Variants in DTX1 observed in about 807,000 individuals in gnomAD.
DTX1 encodes the protein deltex E3 ubiquitin ligase 1, also known as E3 ubiquitin-protein ligase DTX1.
DTX1 carries 26 observed loss-of-function variants against 57.8 expected under a neutral mutation model. That is an observed-to-expected ratio of 0.45 (90% CI 0.33 to 0.62). The LOEUF (loss-of-function observed/expected upper bound fraction) is 0.62. DTX1 is among the 20% of genes least tolerant of loss of function. DTX1 has a pLI of 0.02. For missense variants in DTX1, 704 were observed against 895.3 expected, an observed-to-expected ratio of 0.79 and a Z score of 2.73; for synonymous variants, 398 against 394.1, an observed-to-expected ratio of 1.01 and a Z score of -0.12.
chr12:113,088,413 T>G (rs1315424065), intron 3 of DTX1, among the ~76,000 whole-genome samples: 1 of 152,208 alleles, frequency 6.6e-6, no homozygotes, highest in Non-Finnish European at 1.5e-5. Flanking sequence ...ACATTCCTGC[T>G]CTAACTTTGT....
At chr12:113,071,519 G>T (rs1478629109) in intron 2 of DTX1, among the ~76,000 whole-genome samples, 1 of 152,260 alleles carries the variant, frequency 6.6e-6, no homozygotes, top group Non-Finnish European at 1.5e-5. Flanking sequence ...GTGCCCTGAA[G>T]GCCAGAGTGG....
In DTX1 at chr12:113,094,165, C is replaced by A; in HGVS notation, c.1227+66C>A. The A allele has an allele frequency of 2.8e-6, 4 of 1,451,684 alleles. No homozygotes were observed. In the South Asian group the frequency reaches 3.7e-5, roughly 14 times the overall value. The allele number at this position is 1,451,684 out of a possible 1,614,324, so 89.9% of individuals were successfully genotyped here. A position where few individuals can be genotyped will look rare whatever the true frequency, so the allele number is the denominator to read the frequency against. The stretch of plus-strand genomic sequence containing the variant: ...GGAGGGGGCAGGAACCCTCACCCCT[C>A]CTCCTGGGTTCTGGGTGATACAGAG... On this transcript the variant is annotated intron_variant, in intron 6 of 9. Transcript: ENST00000548759.
intron 3 of DTX1, among the ~76,000 whole-genome samples, chr12:113,086,032 C>T (rs2044854337): frequency 6.6e-6 from 1 of 152,142 alleles, no homozygotes; most frequent in South Asian, 2.1e-4. Flanking sequence ...CTTTGGGAGG[C>T]TAAGGTGGGA....
chr12:113,088,036 A>G (rs1317884453), intron 3 of DTX1, among the ~76,000 whole-genome samples: 1 of 152,188 alleles, frequency 6.6e-6, no homozygotes, highest in Non-Finnish European at 1.5e-5. Flanking sequence ...GCCCACCTGT[A>G]GAGCACAGAG....
intron 9 of DTX1, among the ~76,000 whole-genome samples, chr12:113,096,277 G>A (rs534353139): frequency 1.9e-4 from 29 of 151,126 alleles, no homozygotes; most frequent in Non-Finnish European, 4.1e-4. Flanking sequence ...GCCGAGGTGG[G>A]AGGATCACTT....
intron 6 of DTX1, among the ~76,000 whole-genome samples, chr12:113,094,492 C>A (rs938268931): frequency 6.6e-6 from 1 of 152,148 alleles, no homozygotes; most frequent in African/African-American, 2.4e-5. Context: ...GCAGGAGGAT[C>A]TCTTGAGCCC....
chr12:113,077,063 A>G lies in DTX1; in HGVS notation c.260-361A>G, dbSNP rs971543064. On this transcript the variant is annotated intron_variant, in intron 2 of 9. Coordinates refer to ENST00000548759, the MANE Select transcript of DTX1 (RefSeq NM_004416.3). This position sits in a 1 kb window ranked among gnomAD's most constrained non-coding sequence, Gnocchi z 7.8. ...CCACACCTTGCTGGTTTCCTACCCC[A>G]GGCTATCTTGGCACCCCCACCCTGT... Among the ~76,000 whole-genome samples, 4 of 151,684 alleles carry G rather than the reference A, an allele frequency of 2.6e-5. No individual in the cohort carries two copies. Among genetic ancestry groups the G allele is most frequent in the Non-Finnish European group, 4.4e-5 (3 of 67,890 alleles).
At position 113,097,077 on chromosome 12, in the gene DTX1, C is replaced by G. The variant is rs1950311313; in HGVS notation, c.*138C>G. On this transcript the variant is annotated 3_prime_UTR_variant, in exon 10 of 10. Transcript: ENST00000548759. ...GGGCCGCAGCCATTCAGGGGACCTG[C>G]CTGGTGGCAGCTGGGATGAAGAGAG... 2.2e-5 allele frequency: 21 copies of G among 940,482 alleles called. No homozygotes were observed. The highest frequency in any genetic ancestry group is 3.2e-5 in the Non-Finnish European group (21 of 648,044). The allele number at this position is 940,482 out of a possible 1,614,324, so 58.3% of individuals were successfully genotyped here.
chr12:113,089,155 C>T (rs1201937665), intron 3 of DTX1, among the ~76,000 whole-genome samples: 1 of 152,030 alleles, frequency 6.6e-6, no homozygotes, highest in Non-Finnish European at 1.5e-5. Context: ...AGTGCAAAGG[C>T]CCTGGGGTGG....
At chr12:113,094,595 TAAATA>T (rs1160149648) in intron 6 of DTX1, among the ~76,000 whole-genome samples, 189 bp from the exon 7 acceptor site, 2 of 152,216 alleles carry the variant, frequency 1.3e-5, no homozygotes, top group Middle Eastern at 3.4e-3. Flanking sequence ...ATAAATAAAA[TAAATA>T]AAATAACGAA....
At chr12:113,068,856 G>A (rs1381476709) in intron 2 of DTX1, among the ~76,000 whole-genome samples, 1 of 152,246 alleles carries the variant, frequency 6.6e-6, no homozygotes, top group African/African-American at 2.4e-5. Flanking sequence ...ATGGGCCAGA[G>A]GGCTGACAGT....
rs1016742565 is a variant in DTX1, at chr12:113,056,915, C to T, written c.-774C>T. On this transcript the variant is annotated 5_prime_UTR_variant, in exon 1 of 10. Transcript: ENST00000548759. ...GAGGCGGCGGTGCTGGAGCGCGAGC[C>T]GGAGCCGGAGCCGGAGACGAAGAGA... The T allele has an allele frequency of 1.3e-5, 2 of 152,602 alleles. No homozygotes were observed. The highest frequency in any genetic ancestry group is 2.1e-4 in the South Asian group (1 of 4,846). The allele number at this position is 152,602 out of a possible 1,614,324, so 9.5% of individuals were successfully genotyped here. A position where few individuals can be genotyped will look rare whatever the true frequency, so the allele number is the denominator to read the frequency against.
At chr12:113,072,236 C>T (rs2044742289) in intron 2 of DTX1, among the ~76,000 whole-genome samples, 1 of 152,256 alleles carries the variant, frequency 6.6e-6, no homozygotes, top group Non-Finnish European at 1.5e-5. Context: ...GTGCCTGGTG[C>T]TCCAAACATA....
intron 3 of DTX1, among the ~76,000 whole-genome samples, chr12:113,088,435 G>A (rs1333814345): frequency 6.6e-6 from 1 of 152,234 alleles, no homozygotes; most frequent in Non-Finnish European, 1.5e-5. Context: ...TGGCAGAAGA[G>A]GCGGCGTGGA....
At position 113,057,871 on chromosome 12, in the gene DTX1, T is replaced by C; in HGVS notation, c.-322T>C. 3.0e-6 allele frequency: 1 copy of C among 335,108 alleles called. No individual in the cohort carries two copies. The highest frequency in any genetic ancestry group is 5.5e-6 in the Non-Finnish European group (1 of 183,482). The allele number at this position is 335,108 out of a possible 1,614,324, so 20.8% of individuals were successfully genotyped here. On this transcript the variant is annotated 5_prime_UTR_variant, in exon 2 of 10. Coordinates refer to ENST00000548759, the MANE Select transcript of DTX1 (RefSeq NM_004416.3). ...AGGCTGGACCTCGAACAGGGGCGGC[T>C]GCCTCACTCCCTACCTGAGCCAGCC...
chr12:113,095,214 C>T lies in DTX1; in HGVS notation c.1548+11C>T, dbSNP rs1217295484. The T allele has an allele frequency of 6.2e-6, 10 of 1,605,124 alleles. No homozygotes were observed. Among genetic ancestry groups the T allele is most frequent in the Non-Finnish European group, 8.5e-6 (10 of 1,173,058 alleles). The stretch of plus-strand genomic sequence containing the variant: ...CCCACAGGCATCCAGGTGGGCTCCC[C>T]TTCCGCCTCTCTGGCCCCCAGCCCC... On this transcript the variant is annotated intron_variant, in intron 8 of 9. Transcript: ENST00000548759.
intron 9 of DTX1, among the ~76,000 whole-genome samples, chr12:113,096,199 C>T (rs1265617174): frequency 6.8e-6 from 1 of 147,034 alleles, no homozygotes; most frequent in Non-Finnish European, 1.5e-5. Flanking sequence ...AGCAAGACTC[C>T]ATCACAAAAA....
chr12:113,069,063 T>C (rs184870037), intron 2 of DTX1, among the ~76,000 whole-genome samples: 2 of 152,342 alleles, frequency 1.3e-5, no homozygotes, highest in East Asian at 1.9e-4. Context: ...CCCAGTCATT[T>C]TGTGGCTGAA....
intron 2 of DTX1, among the ~76,000 whole-genome samples, chr12:113,064,694 A>G (rs1051221406): frequency 5.9e-5 from 9 of 152,206 alleles, no homozygotes; most frequent in African/African-American, 2.2e-4. Flanking sequence ...AATAGTCCCT[A>G]GCTGGGAGGG....
Sources: allele counts gnomAD v4.1 joint callset (sites outside exome capture counted in the v4.1 genomes callset), GRCh38; gene constraint gnomAD v4.1.1; non-coding constraint Gnocchi (gnomAD v3.1); transcripts MANE v1.5; gene names NCBI Gene and HGNC (gene_info 2026-07-23, HGNC 2026-07-21).